CELF5: variants seen among roughly 807,000 people sequenced by gnomAD.
CELF5 encodes CUGBP Elav-like family member 5, also known as CUG-BP and ETR-3 like factor 5.
A neutral mutation model predicts 54.9 loss-of-function variants in CELF5; 6 were observed. The ratio of observed to expected loss-of-function variants is 0.11; its 90% CI spans 0.06 to 0.22. The LOEUF (loss-of-function observed/expected upper bound fraction) is 0.22, where lower values mean the gene tolerates loss of function less well. Among genes scored for constraint, CELF5 ranks in the 10% least tolerant of loss-of-function variants. CELF5 has a pLI of 1.00. For synonymous variants in CELF5, 271 were observed against 290.9 expected, an observed-to-expected ratio of 0.93 and a Z score of 0.70; for missense variants, 401 against 678.6, an observed-to-expected ratio of 0.59 and a Z score of 4.54.
At chr19:3,249,454 A>G in intron 1 of CELF5, among the ~76,000 whole-genome samples, 1 of 152,062 alleles carries the variant, frequency 6.6e-6, no homozygotes, top group African/African-American at 2.4e-5. Context: ...ACGTCGCCCA[A>G]TCACAGCCTC....
At chr19:3,244,064 G>A (rs1390440804) in intron 1 of CELF5, among the ~76,000 whole-genome samples, 2 of 151,990 alleles carry the variant, frequency 1.3e-5, no homozygotes, top group East Asian at 1.9e-4. Context: ...CCCATAACAG[G>A]AACTGTGAAT....
rs188363687 is a variant in CELF5, at chr19:3,263,732, C to T, written c.343-10140C>T. The stretch of plus-strand genomic sequence containing the variant: ...CCAGCCTGGCCAACATAGTGAAACC[C>T]CGTCTCTACTAAAAATACAAAAATG... On this transcript the variant is annotated intron_variant, in intron 2 of 12. Transcript: ENST00000292672. Among the ~76,000 whole-genome samples, 437 of 152,154 alleles carry T rather than the reference C, an allele frequency of 2.9e-3. 2 individuals are homozygous for T. The highest frequency in any genetic ancestry group is 4.8e-3 in the Admixed American group (74 of 15,280).
chr19:3,229,336 C>A (rs1303627630), intron 1 of CELF5, among the ~76,000 whole-genome samples: 1 of 152,190 alleles, frequency 6.6e-6, no homozygotes, highest in Non-Finnish European at 1.5e-5. Context: ...TCCCTACCCC[C>A]CATCCAGACC....
intron 2 of CELF5, among the ~76,000 whole-genome samples, chr19:3,255,534 C>T (rs936475174): frequency 6.6e-6 from 1 of 152,018 alleles, no homozygotes; most frequent in African/African-American, 2.4e-5. Context: ...CCCTGGGCAT[C>T]AGCCTCTTCT....
At chr19:3,235,896 A>G (rs1182384936) in intron 1 of CELF5, among the ~76,000 whole-genome samples, 1 of 150,788 alleles carries the variant, frequency 6.6e-6, no homozygotes, top group Admixed American at 6.6e-5. Context: ...ATGATGGACA[A>G]GTGGATGGGT....
chr19:3,262,670 G>A (rs1188821624), intron 2 of CELF5, among the ~76,000 whole-genome samples: 1 of 152,120 alleles, frequency 6.6e-6, no homozygotes, highest in Non-Finnish European at 1.5e-5. Context: ...ACACTTAAGG[G>A]CCGGGCGCAG....
rs1356710609 is a variant in CELF5, at chr19:3,228,585, A to G, written c.259+3587A>G. Reference sequence around the variant, plus strand: ...ATGTTAATGACAATATTTGTCTTAAAGCGGAGGTTGCGCTGGGGGACGGTG... The same window carrying G: ...ATGTTAATGACAATATTTGTCTTAAGGCGGAGGTTGCGCTGGGGGACGGTG... On this transcript the variant is annotated intron_variant, in intron 1 of 12. Transcript: ENST00000292672. The surrounding 1 kb of genome is among the most constrained non-coding windows in gnomAD (Gnocchi z 6.0). 7.1e-6 allele frequency among the ~76,000 whole-genome samples: 1 copy of G among 141,676 alleles called. No homozygotes were observed. The highest frequency in any genetic ancestry group is 1.5e-5 in the Non-Finnish European group (1 of 64,904). The allele number at this position is 141,676 out of a possible 152,430, so 92.9% of individuals were successfully genotyped here.
At chr19:3,285,914 G>T (rs1445234053) in intron 9 of CELF5, 28 bp from the exon 10 acceptor site, 1 of 1,417,138 alleles carries the variant, frequency 7.1e-7, no homozygotes. Flanking sequence ...GCCCCTCCTC[G>T]CCCTGTGTCT....
intron 10 of CELF5, among the ~76,000 whole-genome samples, chr19:3,287,655 C>T (rs12977031): frequency 7.3e-5 from 11 of 151,006 alleles, no homozygotes; most frequent in Admixed American, 5.9e-4. Context: ...TGGGAGGCCA[C>T]GGCAGGAGGG....
In CELF5 at chr19:3,251,105, G is replaced by A. The variant is rs903345617; in HGVS notation, c.342+38G>A. 2 of 1,535,242 alleles carry A rather than the reference G, an allele frequency of 1.3e-6. 1 individual carries two copies. On this transcript the variant is annotated intron_variant, in intron 2 of 12. Coordinates refer to ENST00000292672, the MANE Select transcript of CELF5 (RefSeq NM_021938.4). Reference sequence around the variant, plus strand: ...TGGTGTCTGGGGAGGAGGGGACAGGGGATGGCTCTCAGCCTGGGGTGGGAG... The same window carrying A: ...TGGTGTCTGGGGAGGAGGGGACAGGAGATGGCTCTCAGCCTGGGGTGGGAG...
chr19:3,262,809 C>T (rs1324546384), intron 2 of CELF5, among the ~76,000 whole-genome samples: 1 of 151,456 alleles, frequency 6.6e-6, no homozygotes, highest in Non-Finnish European at 1.5e-5. Flanking sequence ...CATGGTGGCA[C>T]ATGCCTGTCA....
At chr19:3,271,123 T>C (rs868212799) in intron 2 of CELF5, among the ~76,000 whole-genome samples, 1 of 143,812 alleles carries the variant, frequency 7.0e-6, no homozygotes, top group African/African-American at 2.5e-5. Flanking sequence ...AGCGTTGCCA[T>C]GGCAACCCCA....
chr19:3,244,960 T>G (rs2079544271), intron 1 of CELF5, among the ~76,000 whole-genome samples: 1 of 147,058 alleles, frequency 6.8e-6, no homozygotes, highest in Admixed American at 6.8e-5. Context: ...TGCATGCATC[T>G]TGTCTGCGTG....
At chr19:3,250,884 G>T (rs1006109135) in intron 1 of CELF5, 101 bp from the exon 2 acceptor site, 27 of 587,120 alleles carry the variant, frequency 4.6e-5, no homozygotes, top group Non-Finnish European at 8.1e-5. Context: ...TCTGTGGATG[G>T]AAGCTTGGGT....
chr19:3,238,531 C>G (rs1426012836), intron 1 of CELF5, among the ~76,000 whole-genome samples: 1 of 152,136 alleles, frequency 6.6e-6, no homozygotes, highest in East Asian at 1.9e-4. Flanking sequence ...AGGGTCCTTC[C>G]TGCCTCTTCA....
At chr19:3,226,670 C>T (rs565004563) in intron 1 of CELF5, among the ~76,000 whole-genome samples, 1 of 152,258 alleles carries the variant, frequency 6.6e-6, no homozygotes, top group African/African-American at 2.4e-5. Flanking sequence ...CCACATGGCC[C>T]CCCAAACGGT....
In CELF5 at chr19:3,281,371, G is replaced by A. The variant is rs2080148981; in HGVS notation, c.750+26G>A. The A allele has an allele frequency of 6.3e-7, 1 of 1,581,992 alleles. No homozygotes were observed. The highest frequency in any genetic ancestry group is 8.6e-7 in the Non-Finnish European group (1 of 1,162,492). On this transcript the variant is annotated intron_variant, in intron 6 of 12. Transcript: ENST00000292672. This position sits in a 1 kb window ranked among gnomAD's most constrained non-coding sequence, Gnocchi z 6.5. ...GTGAGTGACCCAGTGACAGCTTCGG[G>A]GCTCCGGCTCCGTCTCTCTCAGTCT...
At chr19:3,285,487 C>G (rs62125950) in intron 9 of CELF5, among the ~76,000 whole-genome samples, 14,315 of 148,970 alleles carry the variant, frequency 0.096, 854 homozygotes, top group South Asian at 0.16. Flanking sequence ...ACATAGCCCT[C>G]CATCAAGTCA....
chr19:3,257,646 T>C (rs1383058930), intron 2 of CELF5, among the ~76,000 whole-genome samples: 3 of 151,552 alleles, frequency 2.0e-5, no homozygotes, highest in African/African-American at 4.8e-5. Flanking sequence ...CGGCTAATTT[T>C]TGTATTTTTA....
Sources: allele counts gnomAD v4.1 joint callset (sites outside exome capture counted in the v4.1 genomes callset), GRCh38; gene constraint gnomAD v4.1.1; non-coding constraint Gnocchi (gnomAD v3.1); transcripts MANE v1.5; gene names NCBI Gene and HGNC (gene_info 2026-07-23, HGNC 2026-07-21).